Variants in FER observed in about 807,000 individuals in gnomAD.
FER encodes FER tyrosine kinase.
FER carries 63 observed loss-of-function variants against 111.0 expected under a neutral mutation model. The observed-to-expected ratio is 0.57, with a 90% confidence interval of 0.46 to 0.70. The LOEUF is 0.70. Ranked by LOEUF, FER falls within the 30% of genes least tolerant of loss-of-function variation. The pLI is 0.00. For synonymous variants in FER, 327 were observed against 313.9 expected (o/e 1.04, Z -0.44); for missense variants, 914 against 954.0 (o/e 0.96, Z 0.55).
At chr5:108,964,401 A>G (rs1342439062) in intron 13 of FER, among the ~76,000 whole-genome samples, 1 of 152,218 alleles carries the variant, frequency 6.6e-6, no homozygotes, top group Non-Finnish European at 1.5e-5. Context: ...GAAAGTGTTC[A>G]GCAGTTAGTA....
chr5:108,912,395 C>T (rs1388297881), intron 10 of FER, among the ~76,000 whole-genome samples: 8 of 152,100 alleles, frequency 5.3e-5, no homozygotes, highest in African/African-American at 1.7e-4. Context: ...GAGTCTCGCT[C>T]TTGTCACCCA....
intron 13 of FER, among the ~76,000 whole-genome samples, chr5:109,012,719 A>G (rs570413067): frequency 6.6e-6 from 1 of 152,386 alleles, no homozygotes; most frequent in South Asian, 2.1e-4. Flanking sequence ...GGTATGGCTC[A>G]GCATAACTGC....
chr5:109,056,024 GAGAT>G (rs1355886429), intron 16 of FER, among the ~76,000 whole-genome samples: 1 of 152,152 alleles, frequency 6.6e-6, no homozygotes, highest in East Asian at 1.9e-4. Context: ...AAACCACTGT[GAGAT>G]AGCACCTTAC....
intron 10 of FER, among the ~76,000 whole-genome samples, chr5:108,929,620 G>A (rs1419269431): frequency 6.6e-6 from 1 of 151,558 alleles, no homozygotes; most frequent in Non-Finnish European, 1.5e-5. Context: ...TTTAAAGGAA[G>A]TCATTAAAAA....
At chr5:109,073,578 T>C (rs1364824127) in intron 16 of FER, among the ~76,000 whole-genome samples, 2 of 152,184 alleles carry the variant, frequency 1.3e-5, no homozygotes, top group African/African-American at 4.8e-5. Flanking sequence ...AAACTATGTA[T>C]AGTAAAGAGT....
At chr5:109,153,029 A>G (rs981486835) in intron 17 of FER, among the ~76,000 whole-genome samples, 3 of 151,928 alleles carry the variant, frequency 2.0e-5, no homozygotes, top group African/African-American at 7.2e-5. Flanking sequence ...TACATGGTAT[A>G]TGTGTATAGC....
chr5:109,176,744 G>A lies in FER; in HGVS notation c.2049-4003G>A, dbSNP rs183656108. Among the ~76,000 whole-genome samples the A allele has an allele frequency of 3.9e-5, 6 of 152,190 alleles. No homozygotes were observed. In the East Asian group the frequency reaches 7.7e-4, roughly 20 times the overall value. On this transcript the variant is annotated intron_variant, in intron 17 of 19. Coordinates refer to ENST00000281092, the MANE Select transcript of FER (RefSeq NM_005246.4). ...ATATCACTGTCCCATAAATATGTAC[G>A]ATTATTATATGTCAACTAAGAATAA... is the stretch of plus-strand genomic sequence containing the variant.
chr5:109,132,580 G>C (rs1752469482), intron 17 of FER, among the ~76,000 whole-genome samples: 1 of 152,102 alleles, frequency 6.6e-6, no homozygotes, highest in Non-Finnish European at 1.5e-5. Flanking sequence ...TAGATCCCAG[G>C]ACAGGAGACC....
At chr5:109,129,497 G>T (rs976520515) in intron 17 of FER, among the ~76,000 whole-genome samples, 1 of 151,790 alleles carries the variant, frequency 6.6e-6, no homozygotes, top group Non-Finnish European at 1.5e-5. Flanking sequence ...TTATTTCACT[G>T]CTTTCTACTT....
chr5:108,936,505 G>A (rs372910025), intron 10 of FER, among the ~76,000 whole-genome samples: 4 of 151,888 alleles, frequency 2.6e-5, no homozygotes, highest in Middle Eastern at 3.2e-3. Context: ...GCCTGTTGAC[G>A]TAATAGTTAA....
intron 13 of FER, among the ~76,000 whole-genome samples, chr5:109,023,464 C>A (rs1236421856): frequency 2.0e-5 from 3 of 152,044 alleles, no homozygotes; most frequent in Non-Finnish European, 4.4e-5. Context: ...TGTGGACTCT[C>A]CTTTTGTTTT....
At chr5:109,166,172 G>C (rs1756538628) in intron 17 of FER, among the ~76,000 whole-genome samples, 1 of 151,846 alleles carries the variant, frequency 6.6e-6, no homozygotes, top group South Asian at 2.1e-4. Context: ...CCTAGCCATA[G>C]GGTTTCCATC....
intron 16 of FER, among the ~76,000 whole-genome samples, chr5:109,070,084 GT>G (rs1775590547): frequency 6.6e-6 from 1 of 151,404 alleles, no homozygotes; most frequent in African/African-American, 2.4e-5. Flanking sequence ...CATTTATGTG[GT>G]TTTTTGGAGT....
intron 2 of FER, among the ~76,000 whole-genome samples, chr5:108,791,559 GTATATACATATATATGATATATA>G (rs1386116042): frequency 7.0e-6 from 1 of 142,952 alleles, no homozygotes; most frequent in African/African-American, 2.7e-5. Flanking sequence ...ACACATATGT[GTATATACATATATATGATATATA>G]TATATACATA....
At chr5:108,840,904 C>G (rs1761195374) in intron 5 of FER, among the ~76,000 whole-genome samples, 1 of 152,274 alleles carries the variant, frequency 6.6e-6, no homozygotes, top group Non-Finnish European at 1.5e-5. Context: ...GTGTGAATAA[C>G]CTATCCCCCA....
intron 16 of FER, among the ~76,000 whole-genome samples, chr5:109,050,904 T>C (rs920081574): frequency 6.6e-6 from 1 of 152,170 alleles, no homozygotes; most frequent in African/African-American, 2.4e-5. Context: ...TCAGGAAGTA[T>C]TTATTCCTGG....
At chr5:109,147,780 C>CATATAT (rs145167406) in intron 17 of FER, among the ~76,000 whole-genome samples, 296 of 140,148 alleles carry the variant, frequency 2.1e-3, no homozygotes, top group South Asian at 3.6e-3. Context: ...CACACACATA[C>CATATAT]ATATATATAT....
intron 13 of FER, among the ~76,000 whole-genome samples, chr5:108,990,552 T>C (rs1183841513): frequency 6.6e-6 from 1 of 151,224 alleles, no homozygotes; most frequent in African/African-American, 2.4e-5. Context: ...AAATTACAGG[T>C]GAAGAGAAAA....
At chr5:108,959,577 G>GT (rs958209003) in intron 13 of FER, among the ~76,000 whole-genome samples, 3 of 151,618 alleles carry the variant, frequency 2.0e-5, no homozygotes, top group South Asian at 4.2e-4. Context: ...AGATGGCTTG[G>GT]TTTTTTTTCC....
Sources: allele counts gnomAD v4.1 joint callset (sites outside exome capture counted in the v4.1 genomes callset), GRCh38; gene constraint gnomAD v4.1.1; transcripts MANE v1.5; gene names NCBI Gene and HGNC (gene_info 2026-07-23, HGNC 2026-07-21).